Variants in ELMO1 observed in about 807,000 individuals in gnomAD.
ELMO1 encodes engulfment and cell motility 1, also known as engulfment and cell motility protein 1.
ELMO1 carries 26 observed loss-of-function variants against 98.9 expected under a neutral mutation model. The observed-to-expected ratio is 0.26, with a 90% confidence interval of 0.19 to 0.36. The LOEUF (loss-of-function observed/expected upper bound fraction) is 0.36, where lower values mean the gene tolerates loss of function less well. Among genes scored for constraint, ELMO1 ranks in the 10% least tolerant of loss-of-function variants. ELMO1 has a pLI of 1.00. For missense variants in ELMO1, 627 were observed against 935.2 expected (o/e 0.67, Z 4.30); for synonymous variants, 346 against 346.0 (o/e 1.00, Z 0.00).
chr7:37,153,466 G>A (rs950576827), intron 13 of ELMO1, among the ~76,000 whole-genome samples: 1 of 152,246 alleles, frequency 6.6e-6, no homozygotes, highest in Middle Eastern at 3.4e-3. Context: ...CTTCACAATC[G>A]GCAGACCAGG....
intron 1 of ELMO1, among the ~76,000 whole-genome samples, chr7:37,398,483 A>G (rs1803390632): frequency 6.6e-6 from 1 of 152,244 alleles, no homozygotes; most frequent in Admixed American, 6.5e-5. Context: ...CGATGGATTC[A>G]CTAACCTTGT....
intron 1 of ELMO1, among the ~76,000 whole-genome samples, chr7:37,387,580 A>G (rs1802861484): frequency 6.6e-6 from 1 of 152,276 alleles, no homozygotes; most frequent in South Asian, 2.1e-4. Context: ...CTGGGGGGTT[A>G]GTACTCGAAT....
At chr7:37,388,706 TAGG>T (rs772724173) in intron 1 of ELMO1, among the ~76,000 whole-genome samples, 62 of 150,498 alleles carry the variant, frequency 4.1e-4, no homozygotes, top group Non-Finnish European at 7.2e-4. Flanking sequence ...GAGGCTGAGG[TAGG>T]AGGAGATCTC....
intron 16 of ELMO1, among the ~76,000 whole-genome samples, chr7:36,949,677 T>G (rs548472471): frequency 2.4e-4 from 37 of 152,016 alleles, no homozygotes; most frequent in African/African-American, 8.4e-4. Context: ...CAACCAAATG[T>G]GACAAAACTA....
intron 13 of ELMO1, among the ~76,000 whole-genome samples, chr7:37,156,925 A>G (rs1788810563): frequency 6.6e-6 from 1 of 152,230 alleles, no homozygotes. Context: ...TCATTAAAAT[A>G]CTGGCAAACC....
chr7:37,055,703 A>C (rs368135012), intron 15 of ELMO1, among the ~76,000 whole-genome samples: 1 of 152,108 alleles, frequency 6.6e-6, no homozygotes, highest in Admixed American at 6.5e-5. Flanking sequence ...CATGCTCACC[A>C]CATCTGTGTT....
At chr7:37,176,874 C>A (rs1018776693) in intron 13 of ELMO1, among the ~76,000 whole-genome samples, 2 of 152,122 alleles carry the variant, frequency 1.3e-5, no homozygotes, top group Admixed American at 6.6e-5. Context: ...AGCTTTTAGA[C>A]GACTATATAA....
intron 15 of ELMO1, among the ~76,000 whole-genome samples, chr7:37,073,569 TG>T (rs1291144198): frequency 1.3e-5 from 2 of 148,234 alleles, no homozygotes; most frequent in African/African-American, 5.2e-5. Flanking sequence ...TTGTTGTTTT[TG>T]TATGTGTGTG....
At position 37,321,262 on chromosome 7, in the gene ELMO1, G is replaced by C. The variant is rs150654754; in HGVS notation, c.79-5302C>G. Among the ~76,000 whole-genome samples the C allele has an allele frequency of 6.2e-3, 951 of 152,228 alleles. 12 individuals are homozygous for C. Among genetic ancestry groups the C allele is most frequent in the African/African-American group, 0.022 (919 of 41,536 alleles). ...CCAGTAAATTCCAAGCCAAACGCCA[G>C]CTCTGCCTTATGGACTTTTTAGTTA... On this transcript the variant is annotated intron_variant, in intron 2 of 21. Coordinates refer to ENST00000310758, the MANE Select transcript of ELMO1 (RefSeq NM_014800.11).
intron 15 of ELMO1, among the ~76,000 whole-genome samples, chr7:37,038,506 G>T (rs760887465): frequency 2.6e-5 from 4 of 152,214 alleles, no homozygotes; most frequent in Non-Finnish European, 4.4e-5. Flanking sequence ...CAGATTTTTT[G>T]ATCTTCCTTC....
At chr7:37,188,176 T>C (rs963020899) in intron 13 of ELMO1, among the ~76,000 whole-genome samples, 15 of 152,154 alleles carry the variant, frequency 9.9e-5, no homozygotes, top group African/African-American at 3.6e-4. Flanking sequence ...AAAAGCACCA[T>C]CACCACTCTG....
At chr7:37,404,266 T>C (rs1562669216) in intron 1 of ELMO1, among the ~76,000 whole-genome samples, 2 of 152,184 alleles carry the variant, frequency 1.3e-5, no homozygotes, top group Middle Eastern at 6.8e-3. Flanking sequence ...CATCTCTGAA[T>C]GTCTAGGTGG....
At chr7:36,955,418 A>T (rs888901120) in intron 16 of ELMO1, among the ~76,000 whole-genome samples, 1 of 150,946 alleles carries the variant, frequency 6.6e-6, no homozygotes, top group Non-Finnish European at 1.5e-5. Flanking sequence ...TAAACCACAC[A>T]CTGAACAGGT....
chr7:37,144,295 T>A (rs1028983291), intron 13 of ELMO1, among the ~76,000 whole-genome samples: 1 of 152,146 alleles, frequency 6.6e-6, no homozygotes, highest in Non-Finnish European at 1.5e-5. Flanking sequence ...TCAGCTTTCC[T>A]TTTTTGGTTT....
At chr7:37,447,276 G>C (rs1805656914) in intron 1 of ELMO1, among the ~76,000 whole-genome samples, 1 of 152,178 alleles carries the variant, frequency 6.6e-6, no homozygotes. Context: ...TCATCCCCAA[G>C]TCACTGGCAG....
chr7:37,258,555 T>C (rs73110816), intron 6 of ELMO1, among the ~76,000 whole-genome samples: 183 of 152,354 alleles, frequency 1.2e-3, no homozygotes, highest in Middle Eastern at 3.4e-3. Context: ...CATCAATTTC[T>C]GGAAGGCAAG....
At chr7:37,229,994 A>G (rs907492276) in intron 8 of ELMO1, among the ~76,000 whole-genome samples, 2 of 152,174 alleles carry the variant, frequency 1.3e-5, no homozygotes, top group Non-Finnish European at 2.9e-5. Flanking sequence ...TGCTCACATC[A>G]TTTAAAGAAA....
intron 15 of ELMO1, among the ~76,000 whole-genome samples, chr7:37,014,165 TCTCCTCCTCCTC>T (rs151136717): frequency 2.7e-5 from 4 of 150,780 alleles, no homozygotes; most frequent in Non-Finnish European, 5.9e-5. Flanking sequence ...TGGTCCCTAC[TCTCCTCCTCCTC>T]CTCCTCCTCC....
chr7:37,095,983 C>A (rs1336475022), intron 15 of ELMO1, among the ~76,000 whole-genome samples: 2 of 152,188 alleles, frequency 1.3e-5, no homozygotes, highest in Non-Finnish European at 2.9e-5. Context: ...TAAATCATAT[C>A]CACCTTGGTA....
Sources: gnomAD v4.1 joint callset for allele counts (sites outside exome capture counted in the v4.1 genomes callset) on GRCh38, gnomAD v4.1.1 for gene constraint, MANE v1.5 for transcripts, NCBI Gene and HGNC (gene_info 2026-07-23, HGNC 2026-07-21) for gene names.